The following ACOT9 variants were observed in gnomAD, a reference collection of about 807,000 sequenced individuals.
The protein encoded by ACOT9 is acyl-CoA thioesterase 9.
Under a neutral mutation model 39.7 loss-of-function variants are expected in ACOT9, and 34 were observed. The observed-to-expected ratio is 0.86, with a 90% CI of 0.65 to 1.14. The LOEUF (loss-of-function observed/expected upper bound fraction) is 1.14, where lower values mean the gene tolerates loss of function less well. Ranked by LOEUF, ACOT9 falls within the 50% of genes most tolerant of loss-of-function variation. The pLI, the probability that ACOT9 is intolerant of heterozygous loss-of-function variation, is 0.00. For synonymous variants in ACOT9, 110 were observed against 120.5 expected (o/e 0.91, Z 0.57); for missense variants, 313 against 344.1 (o/e 0.91, Z 0.71).
At position 23,716,004 on chromosome X, in the gene ACOT9, G is replaced by A. The variant is rs200807895; in HGVS notation, c.589-2796C>T. Among the ~76,000 whole-genome samples, 8 of 112,161 alleles carry A rather than the reference G, an allele frequency of 7.1e-5. No homozygotes were observed. The East Asian group carries it at 2.2e-3, about 31-fold the overall frequency. On this transcript the variant is annotated intron_variant, in intron 8 of 15. Transcript: ENST00000379303. ...AGGTGACTCAAACCCAGGTCCTATC[G>A]TTGAGGAGTAGAGTCCGCAGTGGAA... is the stretch of plus-strand genomic sequence containing the variant.
intron 6 of ACOT9, among the ~76,000 whole-genome samples, chrX:23,726,675 T>G (rs1951213146): frequency 9.1e-6 from 1 of 110,013 alleles, no homozygotes; most frequent in Admixed American, 9.8e-5. Flanking sequence ...TTATCTTTTT[T>G]TTTTTTTTTG....
intron 4 of ACOT9, among the ~76,000 whole-genome samples, chrX:23,731,791 G>A (rs991811890): frequency 9.1e-6 from 1 of 110,087 alleles, no homozygotes; most frequent in Non-Finnish European, 1.9e-5. Context: ...TCCAAAGGAA[G>A]TATGGAAGGC....
Position 23,704,845 on chromosome X carries a change from C to A in ACOT9, c.1108-1G>T. ...TATAATTATTCTGAGTAAAGCATACCTAACAGATTATAGACACTATAATCA... is the reference window on the plus strand; with the variant it reads ...TATAATTATTCTGAGTAAAGCATACATAACAGATTATAGACACTATAATCA... On this transcript the variant is annotated splice_acceptor_variant, in intron 14 of 15. Coordinates refer to ENST00000379303, the MANE Select transcript of ACOT9 (RefSeq NM_001037171.2). LOFTEE classifies it high-confidence loss of function. The A allele has an allele frequency of 1.7e-6, 2 of 1,207,554 alleles. No individual in the cohort carries two copies. The highest frequency in any genetic ancestry group is 2.2e-6 in the Non-Finnish European group (2 of 892,949).
chrX:23,731,347 G>T (rs1216739587), intron 4 of ACOT9, among the ~76,000 whole-genome samples: 1 of 109,891 alleles, frequency 9.1e-6, no homozygotes, highest in African/African-American at 3.3e-5. Context: ...TGTGGTGGTG[G>T]GCACCTGTAA....
chrX:23,733,855 G>A (rs58475240), intron 3 of ACOT9, among the ~76,000 whole-genome samples: 6 of 112,154 alleles, frequency 5.3e-5, no homozygotes, highest in South Asian at 3.7e-4. Context: ...TCCGCCTCCC[G>A]GGTTCAAGTG....
chrX:23,720,047 A>T (rs751623439), intron 8 of ACOT9, among the ~76,000 whole-genome samples: 1 of 111,766 alleles, frequency 8.9e-6, no homozygotes, highest in Non-Finnish European at 1.9e-5. Context: ...GTTAGCCAGG[A>T]TGGTCTCGAT....
chrX:23,713,180 A>C lies in ACOT9; in HGVS notation c.617T>G (p.Leu206Trp). Residue 206 changes from leucine (L) to tryptophan (W), a missense_variant, in exon 9 of 16, where the codon TTG (leucine) becomes TGG (tryptophan). By Grantham distance (61) the Leu-to-Trp change is moderately conservative. Transcript: ENST00000379303. Reference protein sequence around the residue: ...QLHGDEFCPVLDATFVMVARD... With the variant: ...QLHGDEFCPVWDATFVMVARD... ...AGCCACCATTACAAATGTTGCATCC[A>C]AAACAGGACAAAATTCATCACCATG... 1 of 1,206,945 alleles carries C rather than the reference A, an allele frequency of 8.3e-7. No homozygotes were observed. The highest frequency in any genetic ancestry group is 3.0e-5 in the East Asian group (1 of 33,841).
At chrX:23,714,154 G>T (rs374676401) in intron 8 of ACOT9, among the ~76,000 whole-genome samples, 27 of 111,445 alleles carry the variant, frequency 2.4e-4, no homozygotes, top group East Asian at 8.5e-4. Flanking sequence ...TATCATCAGC[G>T]TTTAATTTGC....
chrX:23,729,611 A>G (rs980311518), intron 6 of ACOT9, among the ~76,000 whole-genome samples: 2 of 93,980 alleles, frequency 2.1e-5, no homozygotes, highest in African/African-American at 8.4e-5. Context: ...TTATTCTCAC[A>G]TAATTCAGGG....
Position 23,712,046 on chromosome X carries a change from G to A in ACOT9, c.662+1089C>T, listed in dbSNP as rs989562128. Among the ~76,000 whole-genome samples the A allele has an allele frequency of 4.5e-5, 5 of 111,357 alleles. No individual in the cohort carries two copies. In the East Asian group the frequency reaches 1.1e-3, roughly 25 times the overall value. ...AGAACAAATGATCCAGCCTCTCAAC[G>A]AGTGAATAAGAAACAATAGGGGAAG... On this transcript the variant is annotated intron_variant, in intron 9 of 15. Transcript: ENST00000379303.
intron 13 of ACOT9, 56 bp downstream of exon 13, chrX:23,705,453 A>T: frequency 1.0e-6 from 1 of 969,911 alleles, no homozygotes; most frequent in Non-Finnish European, 1.5e-6. Flanking sequence ...GTTTCATTTC[A>T]GTGGGGTGAT....
chrX:23,721,093 T>G (rs1225088682), intron 8 of ACOT9, among the ~76,000 whole-genome samples: 1 of 110,041 alleles, frequency 9.1e-6, no homozygotes, highest in Non-Finnish European at 1.9e-5. Flanking sequence ...TTTTATTTAT[T>G]TATTTATTTA....
chrX:23,737,796 C>T (rs1929990838), intron 1 of ACOT9, among the ~76,000 whole-genome samples: 1 of 110,991 alleles, frequency 9.0e-6, no homozygotes, highest in Non-Finnish European at 1.9e-5. Context: ...ACAAGCCTCT[C>T]TCTTAAATAT....
At chrX:23,731,213 C>T (rs770567074) in intron 4 of ACOT9, among the ~76,000 whole-genome samples, 9 of 112,342 alleles carry the variant, frequency 8.0e-5, no homozygotes, top group African/African-American at 2.9e-4. Context: ...CAGTGTCTCA[C>T]GCCTGTAATC....
At chrX:23,732,495 G>C (rs1426331306) in intron 4 of ACOT9, among the ~76,000 whole-genome samples, 1 of 112,055 alleles carries the variant, frequency 8.9e-6, no homozygotes, top group East Asian at 2.8e-4. Context: ...AATCCAGGTG[G>C]TGGGTACACA....
chrX:23,721,817 T>A (rs1929328463), intron 8 of ACOT9, 64 bp downstream of exon 8: 2 of 974,571 alleles, frequency 2.1e-6, no homozygotes, highest in Non-Finnish European at 2.9e-6. Context: ...GTAAATAAGC[T>A]TTTCTTGCAT....
intron 13 of ACOT9, 110 bp downstream of exon 13, chrX:23,705,398 CA>C: frequency 1.6e-6 from 1 of 622,943 alleles, no homozygotes; most frequent in Non-Finnish European, 2.6e-6. Context: ...GGTATTCATT[CA>C]AAAACATAAC....
chrX:23,729,570 T>C (rs1243418199), intron 6 of ACOT9, among the ~76,000 whole-genome samples: 3 of 112,220 alleles, frequency 2.7e-5, no homozygotes, highest in Non-Finnish European at 5.6e-5. Flanking sequence ...TATTCAAATA[T>C]TTGGGGGTGA....
rs2146810587 is a variant in ACOT9, at chrX:23,704,683, T to C, written c.1258+11A>G. ...TCCCTTTGTTAGGGACAAGCAATAA[T>C]CACTACTTACCTCCATATGTTTTTG... On this transcript the variant is annotated intron_variant, in intron 15 of 15. Coordinates refer to ENST00000379303, the MANE Select transcript of ACOT9 (RefSeq NM_001037171.2). The C allele has an allele frequency of 8.3e-7, 1 of 1,205,955 alleles. No homozygotes were observed. The highest frequency in any genetic ancestry group is 1.8e-5 in the South Asian group (1 of 56,033).
Sources: gnomAD v4.1 joint callset for allele counts (sites outside exome capture counted in the v4.1 genomes callset) on GRCh38, gnomAD v4.1.1 for gene constraint, MANE v1.5 for transcripts, NCBI Gene and HGNC (gene_info 2026-07-23, HGNC 2026-07-21) for gene names.